Variants in CRHR1 observed in about 807,000 individuals in gnomAD.
The protein encoded by CRHR1 is corticotropin releasing hormone receptor 1.
CRHR1 carries 28 observed loss-of-function variants against 56.0 expected under a neutral mutation model. The ratio of observed to expected loss-of-function variants is 0.50; its 90% confidence interval spans 0.37 to 0.69. CRHR1 has a LOEUF of 0.69. Among genes scored for constraint, CRHR1 ranks in the 30% least tolerant of loss-of-function variants. The pLI, the probability that CRHR1 is intolerant of heterozygous loss-of-function variation, is 0.00. For missense variants in CRHR1, 376 were observed against 548.0 expected (o/e 0.69, Z 3.13); for synonymous variants, 195 against 216.5 (o/e 0.90, Z 0.87).
Position 45,807,019 on chromosome 17 carries a change from C to T in CRHR1, c.43C>T (p.Leu15Phe). 1.2e-6 allele frequency: 2 copies of T among 1,613,952 alleles called. No homozygotes were observed. The highest frequency in any genetic ancestry group is 1.7e-6 in the Non-Finnish European group (2 of 1,179,990). Residue 15 changes from leucine (L) to phenylalanine (F), a missense_variant, in exon 2 of 13, where the codon CTT (leucine) becomes TTT (phenylalanine). By Grantham distance (22) the Leu-to-Phe change is conservative. This residue lies in a region of CRHR1 where 369 missense variants were observed against 519.5 expected (regional missense o/e 0.71). Coordinates refer to ENST00000314537, the MANE Select transcript of CRHR1 (RefSeq NM_004382.5). The stretch of plus-strand genomic sequence containing the variant: ...CCTCCTGTGCCTGCAGGCCCTTCTC[C>T]TTCTGGGGCTGAACCCCGTCTCTGC... Reference protein sequence around the residue: ...PQLRLVKALLLLGLNPVSASL... With the variant: ...PQLRLVKALLFLGLNPVSASL...
chr17:45,833,693 T>TGGGGGGGGGGGCCC, intron 10 of CRHR1, 21 bp from the exon 11 acceptor site: 10 of 1,571,602 alleles, frequency 6.4e-6, no homozygotes, highest in Non-Finnish European at 7.8e-6. Context: ...ACTCCGAGCC[T>TGGGGGGGGGGGCCC]CCCCACCCGC....
In CRHR1 at chr17:45,799,166, C is replaced by T. The variant is rs544646224; in HGVS notation, c.34-7844C>T. Among the ~76,000 whole-genome samples, 4 of 152,308 alleles carry T rather than the reference C, an allele frequency of 2.6e-5. No individual in the cohort carries two copies. The South Asian group carries it at 8.3e-4, about 32-fold the overall frequency. ...TGTGGGTGGATGAGAAAAAGGTGCCCCATGAGGGTGCCCCTCTGCTGGTAC... is the reference window on the plus strand; with the variant it reads ...TGTGGGTGGATGAGAAAAAGGTGCCTCATGAGGGTGCCCCTCTGCTGGTAC... On this transcript the variant is annotated intron_variant, in intron 1 of 12. Transcript: ENST00000314537.
intron 12 of CRHR1, 70 bp downstream of exon 12, chr17:45,834,118 G>A: frequency 6.4e-7 from 1 of 1,562,768 alleles, no homozygotes; most frequent in Non-Finnish European, 8.8e-7. Flanking sequence ...ATTGTCTAGA[G>A]CCTTCTCCTC....
chr17:45,807,061 C>A lies in CRHR1; in HGVS notation c.85C>A (p.His29Asn). The change falls in exon 2 of 13, where the codon CAC (histidine) becomes AAC (asparagine). Residue 29 changes from histidine to asparagine, a missense_variant. This residue lies in a region of CRHR1 where 369 missense variants were observed against 519.5 expected (regional missense o/e 0.71). Coordinates refer to ENST00000314537, the MANE Select transcript of CRHR1 (RefSeq NM_004382.5). ...CGTCTCTGCCTCCCTCCAGGACCAG[C>A]ACTGCGAGAGCCTGTCCCTGGCCAG... Reference protein sequence around the residue: ...NPVSASLQDQHCESLSLASNI... With the variant: ...NPVSASLQDQNCESLSLASNI... The A allele has an allele frequency of 6.2e-7, 1 of 1,614,108 alleles. No individual in the cohort carries two copies. Among genetic ancestry groups the A allele is most frequent in the Non-Finnish European group, 8.5e-7 (1 of 1,179,988 alleles).
At chr17:45,793,764 A>G (rs1385518646) in intron 1 of CRHR1, among the ~76,000 whole-genome samples, 1 of 152,194 alleles carries the variant, frequency 6.6e-6, no homozygotes, top group Non-Finnish European at 1.5e-5. Context: ...CCTAAAGCTG[A>G]CAGGGCAGGA....
At chr17:45,791,782 C>G (rs1430428349) in intron 1 of CRHR1, among the ~76,000 whole-genome samples, 1 of 151,236 alleles carries the variant, frequency 6.6e-6, no homozygotes, top group African/African-American at 2.4e-5. Flanking sequence ...GGATCTGTTG[C>G]CTCTGTGGGC....
At chr17:45,821,254 A>G in intron 3 of CRHR1, 101 bp from the exon 4 acceptor site, 1 of 1,034,634 alleles carries the variant, frequency 9.7e-7, no homozygotes, top group Non-Finnish European at 1.5e-6. Context: ...AGGTGCCTGT[A>G]CTGGCCATCT....
chr17:45,803,659 T>G (rs540823808), intron 1 of CRHR1, among the ~76,000 whole-genome samples: 104 of 152,354 alleles, frequency 6.8e-4, no homozygotes, highest in Non-Finnish European at 1.2e-3. Flanking sequence ...GTGCTGGGAT[T>G]ACAGGCGTGA....
intron 4 of CRHR1, among the ~76,000 whole-genome samples, chr17:45,827,338 T>C (rs774209255): frequency 6.6e-6 from 1 of 152,246 alleles, no homozygotes; most frequent in Non-Finnish European, 1.5e-5. Context: ...AGCCTGGGCC[T>C]GTGAACAAGG....
chr17:45,821,837 G>A (rs930907354), intron 4 of CRHR1, among the ~76,000 whole-genome samples: 1 of 152,244 alleles, frequency 6.6e-6, no homozygotes, highest in African/African-American at 2.4e-5. Context: ...CCACAGGGCT[G>A]TATGGAAACC....
intron 1 of CRHR1, among the ~76,000 whole-genome samples, chr17:45,787,839 C>T (rs1043497662): frequency 7.2e-5 from 11 of 152,268 alleles, no homozygotes; most frequent in African/African-American, 2.2e-4. Context: ...ATGAGGAACG[C>T]GAAACAGTGA....
chr17:45,802,045 C>A (rs527552282), intron 1 of CRHR1, among the ~76,000 whole-genome samples: 2 of 151,876 alleles, frequency 1.3e-5, no homozygotes, highest in East Asian at 3.9e-4. Flanking sequence ...GTTGTTTTAG[C>A]CCAGCATGGT....
intron 8 of CRHR1, among the ~76,000 whole-genome samples, chr17:45,832,069 C>CAAAAAAACAAAAA (rs67655301): frequency 4.4e-4 from 66 of 150,638 alleles, no homozygotes; most frequent in Admixed American, 7.9e-4. Flanking sequence ...AAAAAAAAAA[C>CAAAAAAACAAAAA]AAAAAAACAA....
In CRHR1 at chr17:45,834,013, T is replaced by C; in HGVS notation, c.1072T>C (p.Phe358Leu). The change falls in exon 12 of 13, where the codon TTT becomes CTT. Residue 358 changes from phenylalanine to leucine, a missense_variant. Around this residue, in one of 2 missense-constraint regions of CRHR1, gnomAD observed 369 missense variants for 519.5 expected, o/e 0.71. Coordinates refer to ENST00000314537, the MANE Select transcript of CRHR1 (RefSeq NM_004382.5). The part of the protein sequence containing the change: ...NSFLESFQGF[F>L]VSVFYCFLNS... ...CCTCCTCTCTCCTCCCCAGGGCTTC[T>C]TTGTGTCTGTGTTCTACTGTTTCCT... The C allele has an allele frequency of 6.2e-7, 1 of 1,613,424 alleles. No individual in the cohort carries two copies. Among genetic ancestry groups the C allele is most frequent in the Non-Finnish European group, 8.5e-7 (1 of 1,179,456 alleles).
At chr17:45,833,693 T>TGGGGGGGCGG in intron 10 of CRHR1, 21 bp from the exon 11 acceptor site, 3 of 1,571,616 alleles carry the variant, frequency 1.9e-6, no homozygotes, top group Non-Finnish European at 2.6e-6. Context: ...ACTCCGAGCC[T>TGGGGGGGCGG]CCCCACCCGC....
At chr17:45,818,263 G>A (rs1568055554) in intron 3 of CRHR1, among the ~76,000 whole-genome samples, 2 of 152,230 alleles carry the variant, frequency 1.3e-5, no homozygotes, top group Admixed American at 6.5e-5. Context: ...GGCCGGCCAG[G>A]CTGTCTGTGG....
chr17:45,815,994 G>A (rs761674870), intron 2 of CRHR1, among the ~76,000 whole-genome samples: 2 of 152,202 alleles, frequency 1.3e-5, no homozygotes, highest in Non-Finnish European at 2.9e-5. Flanking sequence ...TCCCTGCAGG[G>A]CCAGGGTAGA....
chr17:45,801,729 G>A (rs1363465516), intron 1 of CRHR1, among the ~76,000 whole-genome samples: 2 of 152,228 alleles, frequency 1.3e-5, no homozygotes, highest in Non-Finnish European at 2.9e-5. Context: ...TCTGAAAGGA[G>A]CGCCAGTGGC....
At chr17:45,830,679 TG>T in intron 7 of CRHR1, 109 bp downstream of exon 7, 1 of 1,427,686 alleles carries the variant, frequency 7.0e-7, no homozygotes. Context: ...GAGGTCGGGT[TG>T]GGGCGGTAAG....
Sources: allele counts gnomAD v4.1 joint callset (sites outside exome capture counted in the v4.1 genomes callset), GRCh38; gene constraint gnomAD v4.1.1; regional missense constraint gnomAD v4.1.1; transcripts MANE v1.5; gene names NCBI Gene and HGNC (gene_info 2026-07-23, HGNC 2026-07-21).